Variants in XPNPEP2 observed in about 807,000 individuals in gnomAD.
The protein encoded by XPNPEP2 is xaa-Pro aminopeptidase 2.
XPNPEP2 carries 64 observed loss-of-function variants against 59.8 expected under a neutral mutation model. That is an observed-to-expected ratio of 1.07 (90% CI 0.87 to 1.32). XPNPEP2 has a LOEUF of 1.32. Among genes scored for constraint, XPNPEP2 ranks in the 40% most tolerant of loss-of-function variants. The pLI is 0.00. For missense variants in XPNPEP2, 575 were observed against 546.8 expected (o/e 1.05, Z -0.51); for synonymous variants, 235 against 210.0 (o/e 1.12, Z -1.03).
chrX:129,744,571 C>G (rs1373163623), intron 3 of XPNPEP2, among the ~76,000 whole-genome samples: 1 of 112,058 alleles, frequency 8.9e-6, no homozygotes, highest in Non-Finnish European at 1.9e-5. Context: ...CACCATCCAC[C>G]TTTCCAACAC....
rs368669081 is a variant in XPNPEP2 at position 129,756,472 on chromosome X, T to C, written c.1296-12T>C. 7.4e-5 allele frequency: 89 copies of C among 1,208,529 alleles called. No individual in the cohort carries two copies. The African/African-American group carries it at 1.3e-3, about 18-fold the overall frequency. ...TTAGGCTGCCCTTCTCAACATTCTC[T>C]CCCCTTCTCAGCCCGACCAAGGAGC... On this transcript the variant is annotated splice_polypyrimidine_tract_variant and intron_variant, in intron 13 of 20. Coordinates refer to ENST00000371106, the MANE Select transcript of XPNPEP2 (RefSeq NM_003399.6).
intron 6 of XPNPEP2, among the ~76,000 whole-genome samples, chrX:129,747,099 A>T (rs1031148461): frequency 6.6e-5 from 7 of 106,311 alleles, no homozygotes; most frequent in African/African-American, 1.7e-4. Context: ...TTCTGAGTTT[A>T]AAAAAAAAAG....
chrX:129,753,043 T>C lies in XPNPEP2; in HGVS notation c.1018-116T>C. Reference sequence around the variant, plus strand: ...CCACGAAATGGTGGCAAATCTCACGTCTGCTGGGTCCTCCTGCCAGTCCTC... The same window carrying C: ...CCACGAAATGGTGGCAAATCTCACGCCTGCTGGGTCCTCCTGCCAGTCCTC... On this transcript the variant is annotated intron_variant, in intron 10 of 20. Coordinates refer to ENST00000371106, the MANE Select transcript of XPNPEP2 (RefSeq NM_003399.6). The C allele has an allele frequency of 7.1e-6, 4 of 566,485 alleles. No homozygotes were observed. In the South Asian group the frequency reaches 1.1e-4, roughly 16 times the overall value. 46.7% of individuals were successfully genotyped at this position (566,485 alleles called of 1,213,427 possible).
chrX:129,761,702 T>C (rs1435674317), intron 17 of XPNPEP2, among the ~76,000 whole-genome samples: 1 of 111,936 alleles, frequency 8.9e-6, no homozygotes, highest in Non-Finnish European at 1.9e-5. Context: ...CATGTGCCTG[T>C]AGTCCTGGCT....
Position 129,739,192 on chromosome X carries a change from A to G in XPNPEP2, c.-22A>G, listed in dbSNP as rs201581314. On this transcript the variant is annotated 5_prime_UTR_variant, in exon 1 of 21. Coordinates refer to ENST00000371106, the MANE Select transcript of XPNPEP2 (RefSeq NM_003399.6). ...CTCTCCCTTGTCCCTCCATCCACCC[A>G]GCGCCGGCATCTGGAGACCCTATGG... is the stretch of plus-strand genomic sequence containing the variant. 2 of 1,204,320 alleles carry G rather than the reference A, an allele frequency of 1.7e-6. No homozygotes were observed. Among genetic ancestry groups the G allele is most frequent in the African/African-American group, 3.5e-5 (2 of 56,869 alleles).
Position 129,746,055 on chromosome X carries a change from C to T in XPNPEP2, c.299-181C>T, listed in dbSNP as rs747365643. 2.4e-4 allele frequency among the ~76,000 whole-genome samples: 27 copies of T among 112,182 alleles called. 1 individual carries two copies. Among genetic ancestry groups the T allele is most frequent in the Non-Finnish European group, 5.1e-4 (27 of 53,212 alleles). ...GTGCCTGATTCAGGACACCTTTCTGCCAGCTCCCCCCACAGCTCTTTTTAA... is the reference window on the plus strand; with the variant it reads ...GTGCCTGATTCAGGACACCTTTCTGTCAGCTCCCCCCACAGCTCTTTTTAA... On this transcript the variant is annotated intron_variant, in intron 4 of 20. Coordinates refer to ENST00000371106, the MANE Select transcript of XPNPEP2 (RefSeq NM_003399.6).
intron 13 of XPNPEP2, 95 bp from the exon 14 acceptor site, chrX:129,756,389 G>A (rs1926516781): frequency 6.7e-6 from 6 of 893,705 alleles, no homozygotes; most frequent in Non-Finnish European, 9.9e-6. Flanking sequence ...GGACTGGCCT[G>A]GAAGCCCAGG....
intron 1 of XPNPEP2, among the ~76,000 whole-genome samples, chrX:129,741,064 C>T (rs1041018216): frequency 2.2e-4 from 24 of 109,144 alleles, no homozygotes; most frequent in South Asian, 1.2e-3. Flanking sequence ...TATCAGAGAC[C>T]GCTTTGTCTA....
chrX:129,749,023 G>A (rs755857764), intron 7 of XPNPEP2, among the ~76,000 whole-genome samples: 4 of 112,143 alleles, frequency 3.6e-5, no homozygotes, highest in South Asian at 3.7e-4. Flanking sequence ...TGAAAAGTTC[G>A]CTACTCAAAC....
chrX:129,754,694 G>A lies in XPNPEP2; in HGVS notation c.1217+113G>A, dbSNP rs988592014. 4.9e-5 allele frequency: 35 copies of A among 711,879 alleles called. 1 individual carries two copies. Among genetic ancestry groups the A allele is most frequent in the East Asian group, 1.5e-4 (4 of 26,935 alleles). 58.7% of individuals were successfully genotyped at this position (711,879 alleles called of 1,213,427 possible). On this transcript the variant is annotated intron_variant, in intron 12 of 20. Coordinates refer to ENST00000371106, the MANE Select transcript of XPNPEP2 (RefSeq NM_003399.6). ...AGAAAGGAAGATCCTCCTCATATGCGTGCTGGGTGGGGGAGGGCTCTGGAG... is the reference window on the plus strand; with the variant it reads ...AGAAAGGAAGATCCTCCTCATATGCATGCTGGGTGGGGGAGGGCTCTGGAG...
chrX:129,755,486 G>C, intron 13 of XPNPEP2, 115 bp downstream of exon 13: 1 of 717,969 alleles, frequency 1.4e-6, no homozygotes, highest in Non-Finnish European at 2.1e-6. Context: ...TTGAAGGTCC[G>C]AGGCCCCTAG....
At chrX:129,747,537 T>TAA (rs2124021547) in intron 6 of XPNPEP2, 70 bp from the exon 7 acceptor site, 1 of 1,182,396 alleles carries the variant, frequency 8.5e-7, no homozygotes, top group South Asian at 1.9e-5. Context: ...GGACTAACTT[T>TAA]GCCTGAATCA....
At position 129,762,744 on chromosome X, in the gene XPNPEP2, G is replaced by A; in HGVS notation, c.1714G>A (p.Ala572Thr). The change falls in exon 19 of 21, where the codon GCT becomes ACT. Residue 572 changes from alanine (A) to threonine (T), a missense_variant. Physicochemically the swap from Ala to Thr is moderately conservative, Grantham distance 58. Coordinates refer to ENST00000371106, the MANE Select transcript of XPNPEP2 (RefSeq NM_003399.6). ...ATTTGGGATCCGTCTCGAAGATGTG[G>A]CTCTCGTGGTAGAAGCAAAGACCAA... ...GEFGIRLEDV[A>T]LVVEAKTKYP... 8.3e-7 allele frequency: 1 copy of A among 1,211,885 alleles called. No homozygotes were observed. The highest frequency in any genetic ancestry group is 1.1e-6 in the Non-Finnish European group (1 of 895,426).
chrX:129,761,033 T>C (rs1926646567), intron 16 of XPNPEP2, 139 bp from the exon 17 acceptor site: 1 of 521,555 alleles, frequency 1.9e-6, no homozygotes, highest in Non-Finnish European at 3.2e-6. Flanking sequence ...CAACCCAACA[T>C]CATTGCATCA....
Position 129,747,721 on chromosome X carries a change from A to G in XPNPEP2, c.605A>G (p.Gln202Arg). ...TCAGAGAGGCCACCGGTTCCAAATC[A>G]ACCCATTTATGCCCTGCAGGAGGCA... is the stretch of plus-strand genomic sequence containing the variant. Reference protein sequence around the residue: ...WGSERPPVPNQPIYALQEAFT... With the variant: ...WGSERPPVPNRPIYALQEAFT... Residue 202 changes from glutamine (Q) to arginine (R), a missense_variant, in exon 7 of 21, where the codon CAA becomes CGA. Coordinates refer to ENST00000371106, the MANE Select transcript of XPNPEP2 (RefSeq NM_003399.6). The G allele has an allele frequency of 8.3e-7, 1 of 1,212,021 alleles. No individual in the cohort carries two copies. Among genetic ancestry groups the G allele is most frequent in the African/African-American group, 1.7e-5 (1 of 57,820 alleles).
At chrX:129,762,658 C>T (rs1411192653) in intron 18 of XPNPEP2, 36 bp from the exon 19 acceptor site, 2 of 1,188,383 alleles carry the variant, frequency 1.7e-6, no homozygotes, top group Admixed American at 2.2e-5. Context: ...GGGCCCTCTC[C>T]CAGCTTAATG....
chrX:129,759,512 G>A (rs779811946), intron 15 of XPNPEP2, among the ~76,000 whole-genome samples: 2 of 112,503 alleles, frequency 1.8e-5, no homozygotes, highest in Non-Finnish European at 3.8e-5. Context: ...TGTGTGCCTG[G>A]CCCTGTACTC....
chrX:129,739,982 A>C lies in XPNPEP2; in HGVS notation c.49+720A>C, dbSNP rs145821027. ...TGTTGTCTGTCAGCAGGGCCTGATC[A>C]GTCACTCAATGTCCAGTTCCTGAGC... On this transcript the variant is annotated intron_variant, in intron 1 of 20. Coordinates refer to ENST00000371106, the MANE Select transcript of XPNPEP2 (RefSeq NM_003399.6). Among the ~76,000 whole-genome samples the C allele has an allele frequency of 3.3e-3, 375 of 112,482 alleles. 4 individuals are homozygous for C. The highest frequency in any genetic ancestry group is 0.01 in the African/African-American group (324 of 30,975).
chrX:129,766,027 T>G (rs1262500752), intron 19 of XPNPEP2, among the ~76,000 whole-genome samples: 1 of 112,232 alleles, frequency 8.9e-6, no homozygotes, highest in Non-Finnish European at 1.9e-5. Context: ...TTTCATGTCC[T>G]TTGCCTTATT....
Sources: allele counts gnomAD v4.1 joint callset (sites outside exome capture counted in the v4.1 genomes callset), GRCh38; gene constraint gnomAD v4.1.1; transcripts MANE v1.5; gene names NCBI Gene and HGNC (gene_info 2026-07-23, HGNC 2026-07-21).